The following ARHGAP21 variants were observed in gnomAD, a reference collection of about 807,000 sequenced individuals.
ARHGAP21 encodes the protein Rho GTPase activating protein 21.
ARHGAP21 carries 38 observed loss-of-function variants against 164.6 expected under a neutral mutation model. The ratio of observed to expected loss-of-function variants is 0.23; its 90% CI spans 0.18 to 0.30. ARHGAP21 has a LOEUF of 0.30. Among genes scored for constraint, ARHGAP21 ranks in the 10% least tolerant of loss-of-function variants. The probability of loss-of-function intolerance (pLI) is 1.00; values close to 1 mark genes in which losing one functional copy is unlikely to be tolerated. For missense variants in ARHGAP21, 1,822 were observed against 2,370.7 expected (o/e 0.77, Z 4.81); for synonymous variants, 766 against 857.9 (o/e 0.89, Z 1.87).
chr10:24,649,839 C>T (rs138846518), intron 4 of ARHGAP21, among the ~76,000 whole-genome samples: 1 of 152,096 alleles, frequency 6.6e-6, no homozygotes, highest in Non-Finnish European at 1.5e-5. Flanking sequence ...TAAAAAAATT[C>T]CGCTTACCAT....
chr10:24,590,620 T>G, intron 24 of ARHGAP21: 1 of 1,397,164 alleles, frequency 7.2e-7, no homozygotes, highest in Non-Finnish European at 9.3e-7. Flanking sequence ...CAGGAGAAAG[T>G]TTTCATCAAA....
chr10:24,655,367 C>A lies in ARHGAP21; in HGVS notation c.268+11618G>T, dbSNP rs1350925920. 3.9e-5 allele frequency among the ~76,000 whole-genome samples: 6 copies of A among 152,282 alleles called. No homozygotes were observed. In the South Asian group the frequency reaches 1.0e-3, roughly 26 times the overall value. On this transcript the variant is annotated intron_variant, in intron 4 of 25. Coordinates refer to ENST00000396432, the MANE Select transcript of ARHGAP21 (RefSeq NM_020824.4). ...AATGGGAGGAAATTTTTACAATCTACCCATCTGACAAAGGGCTAACATCCA... is the reference window on the plus strand; with the variant it reads ...AATGGGAGGAAATTTTTACAATCTAACCATCTGACAAAGGGCTAACATCCA...
At chr10:24,592,118 C>T (rs2130779176) in intron 21 of ARHGAP21, 106 bp from the exon 22 acceptor site, 31 of 967,504 alleles carry the variant, frequency 3.2e-5, no homozygotes, top group South Asian at 9.9e-5. Flanking sequence ...AGAAAAATAG[C>T]TTTGATGTAG....
chr10:24,589,351 C>A (rs1564953570), intron 24 of ARHGAP21, 49 bp from the exon 25 acceptor site: 2 of 1,523,358 alleles, frequency 1.3e-6, no homozygotes, highest in Middle Eastern at 1.7e-4. Flanking sequence ...ATCTTTACTG[C>A]TTTCCACAAA....
chr10:24,599,314 C>T (rs965350274), intron 14 of ARHGAP21, among the ~76,000 whole-genome samples: 9 of 152,188 alleles, frequency 5.9e-5, no homozygotes, highest in Non-Finnish European at 1.0e-4. Context: ...CTGAAATCCA[C>T]ATCTAAGTTC....
Position 24,596,782 on chromosome 10 carries a change from G to A in ARHGAP21, c.3435C>T (p.Phe1145=), listed in dbSNP as rs776789568. 8.7e-6 allele frequency: 14 copies of A among 1,612,630 alleles called. No individual in the cohort carries two copies. The highest frequency in any genetic ancestry group is 5.5e-5 in the South Asian group (5 of 90,726). The change falls in exon 17 of 26, where the codon TTC becomes TTT. Residue 1145 remains phenylalanine, a synonymous_variant. Transcript: ENST00000396432. ...GTGGGCAGTCATCTAGTCGGACGCCGAAAGTTCCTGTAGCAGTTGGCTTTT... is the reference window on the plus strand; with the variant it reads ...GTGGGCAGTCATCTAGTCGGACGCCAAAAGTTCCTGTAGCAGTTGGCTTTT... The part of the protein sequence containing the change: ...FEKKPTATGT[F]GVRLDDCPPA...
At chr10:24,606,849 A>C (rs1013970044) in intron 11 of ARHGAP21, among the ~76,000 whole-genome samples, 1 of 152,212 alleles carries the variant, frequency 6.6e-6, no homozygotes, top group East Asian at 1.9e-4. Context: ...AAAAATAAAT[A>C]AATTTTTAAA....
At chr10:24,598,060 T>A (rs765935106) in intron 14 of ARHGAP21, 51 bp from the exon 15 acceptor site, 1 of 1,468,808 alleles carries the variant, frequency 6.8e-7, no homozygotes, top group Non-Finnish European at 9.4e-7. Flanking sequence ...AAATAAGTGA[T>A]CCTTACTTTT....
intron 9 of ARHGAP21, among the ~76,000 whole-genome samples, chr10:24,608,854 C>G (rs180787574): frequency 6.6e-6 from 1 of 151,722 alleles, no homozygotes; most frequent in Admixed American, 6.6e-5. Flanking sequence ...ACTAAGTATA[C>G]GACAGTTTAC....
intron 2 of ARHGAP21, among the ~76,000 whole-genome samples, chr10:24,719,121 AC>A (rs1845677617): frequency 6.6e-6 from 1 of 151,778 alleles, no homozygotes; most frequent in African/African-American, 2.4e-5. Flanking sequence ...ACACACACAC[AC>A]ACACACACCC....
chr10:24,660,625 T>C (rs1397070761), intron 4 of ARHGAP21, among the ~76,000 whole-genome samples: 8 of 152,136 alleles, frequency 5.3e-5, no homozygotes, highest in South Asian at 4.1e-4. Flanking sequence ...ACTCCAACAC[T>C]GGTGGAAACT....
At chr10:24,627,994 C>G (rs771070090) in intron 7 of ARHGAP21, among the ~76,000 whole-genome samples, 10 of 152,200 alleles carry the variant, frequency 6.6e-5, no homozygotes, top group Non-Finnish European at 1.2e-4. Context: ...GTTTCATAAG[C>G]TGATTCTGTC....
chr10:24,681,230 A>C (rs1203925310), intron 2 of ARHGAP21, among the ~76,000 whole-genome samples: 1 of 152,224 alleles, frequency 6.6e-6, no homozygotes, highest in Non-Finnish European at 1.5e-5. Flanking sequence ...CAACTGCATA[A>C]AGTTGCTAAA....
chr10:24,635,088 C>A lies in ARHGAP21; in HGVS notation c.284G>T (p.Arg95Leu). 1 of 1,591,018 alleles carries A rather than the reference C, an allele frequency of 6.3e-7. No homozygotes were observed. The highest frequency in any genetic ancestry group is 8.5e-7 in the Non-Finnish European group (1 of 1,171,430). ...NGNRGGKQRNRLEPMDTIFVK... is the reference protein window; with the variant it reads ...NGNRGGKQRNLLEPMDTIFVK... ...AAATATGGTATCCATTGGTTCCAAG[C>A]GGTTTCTTTGTTTTCCTGTTACAGA... Residue 95 changes from arginine (R) to leucine (L), a missense_variant, in exon 5 of 26, where the codon CGC becomes CTC. Arg to Leu is a moderately radical substitution (Grantham distance 102). Around this residue, in one of 5 missense-constraint regions of ARHGAP21, gnomAD observed 1,090 missense variants for 1,378.9 expected, o/e 0.79. Coordinates refer to ENST00000396432, the MANE Select transcript of ARHGAP21 (RefSeq NM_020824.4).
chr10:24,684,029 G>C (rs556585297), intron 2 of ARHGAP21, among the ~76,000 whole-genome samples: 1 of 152,202 alleles, frequency 6.6e-6, no homozygotes, highest in Admixed American at 6.5e-5. Context: ...GCTCACACCT[G>C]TAATCCCAGC....
intron 4 of ARHGAP21, among the ~76,000 whole-genome samples, chr10:24,635,504 C>T (rs956248609): frequency 1.3e-5 from 2 of 152,164 alleles, no homozygotes; most frequent in Non-Finnish European, 1.5e-5. Context: ...GATGATTACA[C>T]AGGCGGTACT....
At chr10:24,593,649 C>CA (rs529799301) in intron 21 of ARHGAP21, among the ~76,000 whole-genome samples, 2 of 144,958 alleles carry the variant, frequency 1.4e-5, no homozygotes, top group African/African-American at 5.0e-5. Flanking sequence ...ATTAAAGACA[C>CA]AAAAAATTCT....
chr10:24,689,905 TAC>T (rs1842584653), intron 2 of ARHGAP21, among the ~76,000 whole-genome samples: 1 of 41,424 alleles, frequency 2.4e-5, no homozygotes, highest in Admixed American at 2.2e-4. Flanking sequence ...TGTGTATATA[TAC>T]ATGTATATAT....
intron 2 of ARHGAP21, among the ~76,000 whole-genome samples, chr10:24,697,275 G>A (rs1843255797): frequency 6.6e-6 from 1 of 152,134 alleles, no homozygotes; most frequent in Non-Finnish European, 1.5e-5. Context: ...TTATAAAGGG[G>A]TCTGGGTGAA....
Sources: gnomAD v4.1 joint callset for allele counts (sites outside exome capture counted in the v4.1 genomes callset) on GRCh38, gnomAD v4.1.1 for gene constraint, gnomAD v4.1.1 regional missense constraint, MANE v1.5 for transcripts, NCBI Gene and HGNC (gene_info 2026-07-23, HGNC 2026-07-21) for gene names.